Variants in NBN observed in about 807,000 individuals in gnomAD.
The protein encoded by NBN is Nijmegen breakage syndrome 1 (nibrin).
Under a neutral mutation model 90.8 loss-of-function variants are expected in NBN, and 88 were observed. The observed-to-expected ratio is 0.97, with a 90% confidence interval of 0.82 to 1.16. The LOEUF is 1.16. Ranked by LOEUF, NBN falls within the 50% of genes most tolerant of loss-of-function variation. The probability of loss-of-function intolerance (pLI) is 0.00; values close to 1 mark genes in which losing one functional copy is unlikely to be tolerated. For synonymous variants in NBN, 328 were observed against 295.1 expected (o/e 1.11, Z -1.14); for missense variants, 894 against 869.6 (o/e 1.03, Z -0.35).
intron 7 of NBN, among the ~76,000 whole-genome samples, chr8:89,965,391 T>C (rs1446672776): frequency 1.3e-5 from 2 of 152,214 alleles, no homozygotes; most frequent in African/African-American, 2.4e-5. Context: ...CAATGACTGA[T>C]TTTATAAAAA....
intron 15 of NBN, chr8:89,936,096 T>TC (rs71268293): frequency 5.1e-6 from 2 of 394,916 alleles, no homozygotes; most frequent in East Asian, 1.6e-4. Context: ...ACTTTTTTTT[T>TC]TTTTTTTTTT....
Position 89,975,651 on chromosome 8 carries a change from T to C in NBN, c.584+2569A>G, listed in dbSNP as rs560967150. The stretch of plus-strand genomic sequence containing the variant: ...GGATGTTGTATAGTCGTCATGTACA[T>C]TGATACAATCAAAAATTGAATCTAG... On this transcript the variant is annotated intron_variant, in intron 5 of 15. Coordinates refer to ENST00000265433, the MANE Select transcript of NBN (RefSeq NM_002485.5). Among the ~76,000 whole-genome samples the C allele has an allele frequency of 6.6e-5, 10 of 152,342 alleles. No individual in the cohort carries two copies. In the South Asian group the frequency reaches 1.7e-3, roughly 25 times the overall value.
chr8:89,955,411 C>T lies in NBN; in HGVS notation c.1269G>A (p.Lys423=), dbSNP rs2129719377. 2 of 1,613,842 alleles carry T rather than the reference C, an allele frequency of 1.2e-6. No individual in the cohort carries two copies. The highest frequency in any genetic ancestry group is 2.7e-5 in the African/African-American group (2 of 74,988). Residue 423 remains lysine, a synonymous_variant, in exon 10 of 16, where the codon AAG becomes AAA. Coordinates refer to ENST00000265433, the MANE Select transcript of NBN (RefSeq NM_002485.5). The stretch of plus-strand genomic sequence containing the variant: ...AAAGCTGATAGTTTGGGATTCTCAT[C>T]TTAGCCAAAGTATTTGATACCATAC... ...NNSMVSNTLA[K]MRIPNYQLSP... is the part of the protein sequence containing the mutation.
intron 11 of NBN, among the ~76,000 whole-genome samples, chr8:89,948,769 A>G (rs1006626298): frequency 6.6e-6 from 1 of 152,222 alleles, no homozygotes; most frequent in African/African-American, 2.4e-5. Flanking sequence ...ATCAAGTGCC[A>G]TTTTACTTAG....
At position 89,955,236 on chromosome 8, in the gene NBN, CTT is replaced by C. The variant is rs13312924; in HGVS notation, c.1397+45_1397+46del. ...TACCATTCTACAACAGTATAAAAAACTTTCATTTTTTTTTCAGAGACATGAGA... is the reference window on the plus strand; with the variant it reads ...TACCATTCTACAACAGTATAAAAAACTCATTTTTTTTTCAGAGACATGAGA... On this transcript the variant is annotated intron_variant, in intron 10 of 15. Transcript: ENST00000265433. The C allele has an allele frequency of 7.7e-6, 12 of 1,565,852 alleles. No homozygotes were observed. The African/African-American group carries it at 9.5e-5, about 12-fold the overall frequency.
chr8:89,960,772 C>A (rs914303556), intron 8 of NBN, among the ~76,000 whole-genome samples: 1 of 152,078 alleles, frequency 6.6e-6, no homozygotes, highest in Admixed American at 6.5e-5. Flanking sequence ...CTATTCACCT[C>A]TTTATTTCAA....
At chr8:89,958,931 A>ATC (rs1275270369) in intron 8 of NBN, 77 bp from the exon 9 acceptor site, 3 of 1,556,688 alleles carry the variant, frequency 1.9e-6, no homozygotes, top group African/African-American at 2.7e-5. Context: ...TAAAATTGTT[A>ATC]GACTATACCA....
At chr8:89,943,045 T>TC (rs1586034539) in intron 14 of NBN, among the ~76,000 whole-genome samples, 1 of 149,770 alleles carries the variant, frequency 6.7e-6, no homozygotes, top group East Asian at 1.9e-4. Context: ...CACCTTTTTT[T>TC]TTTTTTTTAA....
chr8:89,970,281 A>G (rs779636975), intron 7 of NBN, 83 bp downstream of exon 7: 22 of 1,227,252 alleles, frequency 1.8e-5, no homozygotes, highest in Middle Eastern at 2.4e-4. Flanking sequence ...CTACTTTTAC[A>G]TTGTTAGGTG....
intron 13 of NBN, among the ~76,000 whole-genome samples, chr8:89,945,373 A>G (rs745625284): frequency 3.3e-5 from 5 of 152,170 alleles, no homozygotes; most frequent in Non-Finnish European, 7.4e-5. Context: ...CCCTTTAGGT[A>G]CTATTACAGA....
intron 2 of NBN, chr8:89,981,772 G>A (rs902622154): frequency 1.9e-6 from 1 of 524,744 alleles, no homozygotes; most frequent in Admixed American, 3.5e-5. Flanking sequence ...GTAAGTCAGT[G>A]GGGATTCTCC....
chr8:89,936,153 C>T lies in NBN; in HGVS notation c.2235-541G>A, dbSNP rs558705676. 481 of 333,496 alleles carry T rather than the reference C, an allele frequency of 1.4e-3. 5 individuals are homozygous for T. Among genetic ancestry groups the T allele is most frequent in the South Asian group, 0.01 (443 of 43,526 alleles). The allele number at this position is 333,496 out of a possible 1,614,324, so 20.7% of individuals were successfully genotyped here. On this transcript the variant is annotated intron_variant, in intron 15 of 15. Coordinates refer to ENST00000265433, the MANE Select transcript of NBN (RefSeq NM_002485.5). ...AGTGCAGTGGCGCGATCTTGGCTCA[C>T]GCAGCCTCCGCCTCCTGGGTTCAAG...
In NBN at chr8:89,947,924, A is replaced by G. The variant is rs755880770; in HGVS notation, c.1846-32T>C. On this transcript the variant is annotated intron_variant, in intron 11 of 15. Coordinates refer to ENST00000265433, the MANE Select transcript of NBN (RefSeq NM_002485.5). The stretch of plus-strand genomic sequence containing the variant: ...AAATAAAATAAAAAATACTGTTCAT[A>G]GGAGTAATAAAATGGTATGTTTCTA... The G allele has an allele frequency of 3.8e-6, 5 of 1,311,684 alleles. No homozygotes were observed. The South Asian group carries it at 3.8e-5, about 10-fold the overall frequency. 81.3% of individuals were successfully genotyped at this position (1,311,684 alleles called of 1,614,324 possible).
chr8:89,979,041 G>A (rs911284222), intron 4 of NBN, among the ~76,000 whole-genome samples: 5 of 152,178 alleles, frequency 3.3e-5, no homozygotes, highest in East Asian at 1.9e-4. Context: ...GCAGTGGCGT[G>A]ATCCTGGTTC....
intron 7 of NBN, among the ~76,000 whole-genome samples, chr8:89,968,718 T>TC (rs1811365893): frequency 6.6e-6 from 1 of 152,140 alleles, no homozygotes; most frequent in Non-Finnish European, 1.5e-5. Context: ...ATAAGCTTCT[T>TC]CCCCACTGCC....
At chr8:89,970,683 T>C in intron 6 of NBN, 126 bp from the exon 7 acceptor site, 1 of 912,664 alleles carries the variant, frequency 1.1e-6, no homozygotes, top group South Asian at 1.5e-5. Flanking sequence ...AGTAGGTCAT[T>C]TCAGCTTCCA....
At chr8:89,962,740 A>G (rs1349903142) in intron 8 of NBN, among the ~76,000 whole-genome samples, 2 of 152,062 alleles carry the variant, frequency 1.3e-5, no homozygotes, top group African/African-American at 4.8e-5. Flanking sequence ...AAACATATGT[A>G]GTATACTCAA....
chr8:89,982,695 A>T (rs369200043), intron 2 of NBN, 27 bp downstream of exon 2: 61 of 1,593,800 alleles, frequency 3.8e-5, no homozygotes, highest in Admixed American at 3.5e-4. Context: ...CTTACTGGAA[A>T]CTAGTGAAAT....
At position 89,937,082 on chromosome 8, in the gene NBN, A is replaced by G. The variant is rs1563497932; in HGVS notation, c.2185-7T>C. On this transcript the variant is annotated splice_polypyrimidine_tract_variant and splice_region_variant and intron_variant, in intron 14 of 15. Transcript: ENST00000265433. ...TTGCATGTTGATTTTGTACCTGTCA[A>G]AATTAACATAATTTCAAACATTTGC... The G allele has an allele frequency of 6.2e-7, 1 of 1,611,062 alleles. No individual in the cohort carries two copies. The highest frequency in any genetic ancestry group is 8.5e-7 in the Non-Finnish European group (1 of 1,178,216).
Sources: gnomAD v4.1 joint callset for allele counts (sites outside exome capture counted in the v4.1 genomes callset) on GRCh38, gnomAD v4.1.1 for gene constraint, MANE v1.5 for transcripts, NCBI Gene and HGNC (gene_info 2026-07-23, HGNC 2026-07-21) for gene names.